The following SCFD2 variants were observed in gnomAD, a reference collection of about 807,000 sequenced individuals.
SCFD2 encodes sec1 family domain-containing protein 2.
In SCFD2, 54 loss-of-function variants were observed where a neutral mutation model predicts 58.9. The ratio of observed to expected loss-of-function variants is 0.92; its 90% CI spans 0.74 to 1.15. The LOEUF is 1.15. SCFD2 is among the 50% of genes most tolerant of loss of function. SCFD2 has a pLI of 0.00. For missense variants in SCFD2, 805 were observed against 836.6 expected, an observed-to-expected ratio of 0.96 and a Z score of 0.47; for synonymous variants, 321 against 335.9, an observed-to-expected ratio of 0.96 and a Z score of 0.49.
chr4:53,250,537 A>T (rs570993068), intron 4 of SCFD2, among the ~76,000 whole-genome samples: 98 of 152,332 alleles, frequency 6.4e-4, no homozygotes, highest in Admixed American at 8.5e-4. Flanking sequence ...AAATTATAAC[A>T]AACTGTCTCT....
At chr4:53,351,919 A>T (rs12507723) in intron 2 of SCFD2, among the ~76,000 whole-genome samples, 24,908 of 152,144 alleles carry the variant, frequency 0.16, 2,081 homozygotes, top group South Asian at 0.23. Context: ...AAAAATATAA[A>T]ACATGAAAAT....
intron 4 of SCFD2, among the ~76,000 whole-genome samples, chr4:53,149,062 G>C (rs115140998): frequency 6.6e-6 from 1 of 152,160 alleles, no homozygotes; most frequent in Non-Finnish European, 1.5e-5. Context: ...GACAAATCCA[G>C]AAATAACTGT....
chr4:53,098,751 T>C (rs1488063379), intron 5 of SCFD2, among the ~76,000 whole-genome samples: 2 of 151,998 alleles, frequency 1.3e-5, no homozygotes. Context: ...TGCACACACA[T>C]ACACACACAC....
At position 53,186,718 on chromosome 4, in the gene SCFD2, G is replaced by T. The variant is rs545856656; in HGVS notation, c.1312-41136C>A. On this transcript the variant is annotated intron_variant, in intron 4 of 8. Coordinates refer to ENST00000401642, the MANE Select transcript of SCFD2 (RefSeq NM_152540.4). ...GTTACAAAATCTTTAGAGGTAGAAG[G>T]CCTAAATAGGACACCAAGAGCAAAA... Among the ~76,000 whole-genome samples, 176 of 151,980 alleles carry T rather than the reference G, an allele frequency of 1.2e-3. 1 individual carries two copies. Among genetic ancestry groups the T allele is most frequent in the African/African-American group, 4.1e-3 (169 of 41,478 alleles).
At chr4:53,311,970 T>A (rs557639343) in intron 3 of SCFD2, among the ~76,000 whole-genome samples, 1 of 152,060 alleles carries the variant, frequency 6.6e-6, no homozygotes, top group Non-Finnish European at 1.5e-5. Context: ...TTCAACATAC[T>A]TAAGAATAAG....
chr4:53,202,745 C>T (rs1038676677), intron 4 of SCFD2, among the ~76,000 whole-genome samples: 3 of 152,106 alleles, frequency 2.0e-5, no homozygotes, highest in African/African-American at 4.8e-5. Context: ...CCTTCACATC[C>T]CTTGTAAGTT....
intron 5 of SCFD2, among the ~76,000 whole-genome samples, chr4:53,099,269 T>C (rs948054974): frequency 1.1e-4 from 17 of 152,146 alleles, no homozygotes; most frequent in African/African-American, 4.1e-4. Flanking sequence ...TTTTGTCACA[T>C]GAGGTCACAA....
chr4:53,070,642 T>C (rs965458380), intron 5 of SCFD2, among the ~76,000 whole-genome samples: 4 of 152,108 alleles, frequency 2.6e-5, no homozygotes, highest in African/African-American at 7.2e-5. Context: ...GTGTACATAA[T>C]AGCACCAAAT....
intron 4 of SCFD2, among the ~76,000 whole-genome samples, chr4:53,238,197 C>T (rs1236725138): frequency 7.0e-6 from 1 of 142,342 alleles, no homozygotes; most frequent in African/African-American, 2.6e-5. Flanking sequence ...CCCCACCTCC[C>T]TCCCGGACGG....
intron 5 of SCFD2, among the ~76,000 whole-genome samples, chr4:53,029,158 A>G (rs1722553953): frequency 6.6e-6 from 1 of 152,200 alleles, no homozygotes; most frequent in African/African-American, 2.4e-5. Context: ...TTAAGAGGAA[A>G]TTATTCTGTA....
intron 5 of SCFD2, among the ~76,000 whole-genome samples, chr4:53,117,821 C>G (rs943725537): frequency 1.3e-5 from 2 of 152,168 alleles, no homozygotes; most frequent in African/African-American, 2.4e-5. Flanking sequence ...AATAGAGTCA[C>G]AGCAAAGGGC....
chr4:53,070,066 G>C (rs1723774296), intron 5 of SCFD2, among the ~76,000 whole-genome samples: 1 of 151,992 alleles, frequency 6.6e-6, no homozygotes, highest in Admixed American at 6.6e-5. Context: ...CTTCCAAAGA[G>C]AGAAACTTCT....
intron 4 of SCFD2, among the ~76,000 whole-genome samples, chr4:53,239,457 G>GGAGAGA (rs1387087923): frequency 6.8e-6 from 1 of 147,052 alleles, no homozygotes; most frequent in African/African-American, 2.5e-5. Flanking sequence ...AGAGGGAGAG[G>GGAGAGA]GAGAGAGCGT....
At chr4:52,936,125 C>T (rs1391078086) in intron 5 of SCFD2, among the ~76,000 whole-genome samples, 4 of 152,188 alleles carry the variant, frequency 2.6e-5, no homozygotes, top group Non-Finnish European at 4.4e-5. Flanking sequence ...GTGTGAGCCA[C>T]CGCACCCAGA....
At chr4:52,930,596 T>C (rs1719969058) in intron 5 of SCFD2, among the ~76,000 whole-genome samples, 1 of 152,180 alleles carries the variant, frequency 6.6e-6, no homozygotes, top group Non-Finnish European at 1.5e-5. Flanking sequence ...AAAAATTTTC[T>C]CTAAGCTGCC....
intron 4 of SCFD2, among the ~76,000 whole-genome samples, chr4:53,207,443 T>A (rs1728441477): frequency 7.2e-6 from 1 of 139,114 alleles, no homozygotes; most frequent in South Asian, 2.2e-4. Flanking sequence ...GAAAACATCA[T>A]AAACCAACAA....
At chr4:52,971,625 A>C (rs1721103303) in intron 5 of SCFD2, among the ~76,000 whole-genome samples, 1 of 152,246 alleles carries the variant, frequency 6.6e-6, no homozygotes, top group Admixed American at 6.5e-5. Context: ...TCTCCAATCT[A>C]GCAAGGCAGG....
intron 3 of SCFD2, among the ~76,000 whole-genome samples, chr4:53,279,219 T>C (rs1293305514): frequency 6.6e-6 from 1 of 152,256 alleles, no homozygotes; most frequent in Non-Finnish European, 1.5e-5. Flanking sequence ...GGTTATTTCA[T>C]ATTAAGACTG....
At chr4:53,136,533 T>G (rs1382295458) in intron 5 of SCFD2, among the ~76,000 whole-genome samples, 1 of 152,166 alleles carries the variant, frequency 6.6e-6, no homozygotes, top group African/African-American at 2.4e-5. Context: ...CAATGAAAAC[T>G]AACTCTACCA....
Sources: allele counts gnomAD v4.1 joint callset (sites outside exome capture counted in the v4.1 genomes callset), GRCh38; gene constraint gnomAD v4.1.1; transcripts MANE v1.5; gene names NCBI Gene and HGNC (gene_info 2026-07-23, HGNC 2026-07-21).